The following EPS8 variants were observed in gnomAD, a reference collection of about 807,000 sequenced individuals.
EPS8 encodes epidermal growth factor receptor kinase substrate 8.
In EPS8, 42 loss-of-function variants were observed where a neutral mutation model predicts 103.8. The ratio of observed to expected loss-of-function variants is 0.40; its 90% CI spans 0.32 to 0.52. The LOEUF (loss-of-function observed/expected upper bound fraction) is 0.52. EPS8 is among the 20% of genes least tolerant of loss of function. The pLI is 0.40. For missense variants in EPS8, 969 were observed against 1,005.1 expected, an observed-to-expected ratio of 0.96 and a Z score of 0.49; for synonymous variants, 344 against 344.6, an observed-to-expected ratio of 1.00 and a Z score of 0.02.
intron 14 of EPS8, among the ~76,000 whole-genome samples, chr12:15,648,991 CG>C (rs758682884): frequency 1.1e-4 from 17 of 152,228 alleles, no homozygotes; most frequent in Admixed American, 6.5e-4. Context: ...GGGATGATTA[CG>C]TTTTTTTGCT....
intron 1 of EPS8, among the ~76,000 whole-genome samples, chr12:15,723,024 A>AC (rs1946614831): frequency 6.6e-6 from 1 of 152,080 alleles, no homozygotes; most frequent in Non-Finnish European, 1.5e-5. Flanking sequence ...AAACAAACAA[A>AC]AAAAAAACAT....
At chr12:15,756,048 AT>A (rs1419121206) in intron 1 of EPS8, among the ~76,000 whole-genome samples, 1 of 152,110 alleles carries the variant, frequency 6.6e-6, no homozygotes, top group African/African-American at 2.4e-5. Context: ...ATATAACACC[AT>A]TTTACTTGGC....
At position 15,735,866 on chromosome 12, in the gene EPS8, T is replaced by C. The variant is rs910258046; in HGVS notation, c.-21-52894A>G. ...CTTATATAGAAAAAAATGCCAATAA[T>C]AGGACAAAGACAAAGAGTTTGTGTT... On this transcript the variant is annotated intron_variant, in intron 1 of 20. Transcript: ENST00000281172. The surrounding 1 kb of genome is among the most constrained non-coding windows in gnomAD (Gnocchi z 4.4). Among the ~76,000 whole-genome samples the C allele has an allele frequency of 6.6e-6, 1 of 152,108 alleles. No individual in the cohort carries two copies. Among genetic ancestry groups the C allele is most frequent in the African/African-American group, 2.4e-5 (1 of 41,374 alleles).
intron 16 of EPS8, 28 bp downstream of exon 16, chr12:15,641,694 G>T: frequency 9.1e-7 from 1 of 1,098,934 alleles, no homozygotes; most frequent in Non-Finnish European, 1.3e-6. Context: ...ACTTTATTAA[G>T]AGTATAAAAA....
intron 18 of EPS8, 52 bp downstream of exon 18, chr12:15,631,390 A>G (rs1945042096): frequency 9.9e-6 from 16 of 1,609,354 alleles, no homozygotes; most frequent in African/African-American, 1.3e-5. Flanking sequence ...TATTTTACTT[A>G]GTAGTGCTTT....
rs201950807 is a variant in EPS8 at position 15,732,851 on chromosome 12, CT to C, written c.-21-49880del. On this transcript the variant is annotated intron_variant, in intron 1 of 20. Transcript: ENST00000281172. ...GACATGTTGTTAATCATTGTTAAGG[CT>C]TTGAATACAGCCACCTCGGTCATTA... is the stretch of plus-strand genomic sequence containing the variant. The C allele has an allele frequency of 4.1e-3, 2,338 of 570,124 alleles. 42 individuals carry two copies. The highest frequency in any genetic ancestry group is 0.038 in the African/African-American group (1,848 of 49,184). 35.3% of individuals were successfully genotyped at this position (570,124 alleles called of 1,614,324 possible). A position where few individuals can be genotyped will look rare whatever the true frequency, so the allele number is the denominator to read the frequency against.
chr12:15,688,239 A>G lies in EPS8; in HGVS notation c.-21-5267T>C, dbSNP rs1241192748. Among the ~76,000 whole-genome samples, 1 of 152,154 alleles carries G rather than the reference A, an allele frequency of 6.6e-6. No homozygotes were observed. The highest frequency in any genetic ancestry group is 1.9e-4 in the East Asian group (1 of 5,186). On this transcript the variant is annotated intron_variant, in intron 1 of 20. Coordinates refer to ENST00000281172, the MANE Select transcript of EPS8 (RefSeq NM_004447.6). This position sits in a 1 kb window ranked among gnomAD's most constrained non-coding sequence, Gnocchi z 5.1. ...TATCCTTAAAACAACATTATCAGCT[A>G]GTTATTGGCTCTATTTTATGGGTGA...
rs192894193 is a variant in EPS8, at chr12:15,627,192, G to T, written c.2045-2785C>A. Among the ~76,000 whole-genome samples the T allele has an allele frequency of 6.2e-3, 944 of 152,156 alleles. 10 individuals carry two copies. The highest frequency in any genetic ancestry group is 0.015 in the South Asian group (72 of 4,802). ...AACTAATTTTTGTATTTTTAGTAGAGATGGGGTTTCACCCTGTTGGCCAGG... is the reference window on the plus strand; with the variant it reads ...AACTAATTTTTGTATTTTTAGTAGATATGGGGTTTCACCCTGTTGGCCAGG... On this transcript the variant is annotated intron_variant, in intron 18 of 20. Coordinates refer to ENST00000281172, the MANE Select transcript of EPS8 (RefSeq NM_004447.6).
At chr12:15,659,324 A>C (rs1196583881) in intron 10 of EPS8, among the ~76,000 whole-genome samples, 1 of 152,146 alleles carries the variant, frequency 6.6e-6, no homozygotes, top group African/African-American at 2.4e-5. Flanking sequence ...AGAGGCTTAA[A>C]GACTGCTTCG....
In EPS8 at chr12:15,771,163, C is replaced by T. The variant is rs547128290; in HGVS notation, c.-22+17998G>A. On this transcript the variant is annotated intron_variant, in intron 1 of 20. Coordinates refer to ENST00000281172, the MANE Select transcript of EPS8 (RefSeq NM_004447.6). This position sits in a 1 kb window ranked among gnomAD's most constrained non-coding sequence, Gnocchi z 4.6. ...TAAAGTAGACCTTAACTGATGGATT[C>T]GATTTGTATATAGAGATAAATTAAA... is the stretch of plus-strand genomic sequence containing the variant. 1.2e-4 allele frequency among the ~76,000 whole-genome samples: 18 copies of T among 152,164 alleles called. No individual in the cohort carries two copies. In the East Asian group the frequency reaches 2.3e-3, roughly 20 times the overall value.
At chr12:15,632,197 T>G (rs1208064673) in intron 17 of EPS8, among the ~76,000 whole-genome samples, 9 of 152,194 alleles carry the variant, frequency 5.9e-5, no homozygotes, top group Non-Finnish European at 8.8e-5. Flanking sequence ...TTATTAAAAT[T>G]AGAAATTTCC....
chr12:15,699,387 T>C (rs963227407), intron 1 of EPS8, among the ~76,000 whole-genome samples: 1 of 152,212 alleles, frequency 6.6e-6, no homozygotes, highest in Non-Finnish European at 1.5e-5. Context: ...TTTACTCACC[T>C]GTAAAATGAG....
intron 3 of EPS8, among the ~76,000 whole-genome samples, chr12:15,679,419 A>G (rs1190484565): frequency 6.6e-6 from 1 of 152,214 alleles, no homozygotes; most frequent in Non-Finnish European, 1.5e-5. Flanking sequence ...TTAATTCATT[A>G]CACTCATTCT....
At chr12:15,649,804 T>C (rs1945380716) in intron 14 of EPS8, among the ~76,000 whole-genome samples, 2 of 152,208 alleles carry the variant, frequency 1.3e-5, no homozygotes, top group Admixed American at 6.5e-5. Flanking sequence ...AGTCACAGGA[T>C]ATAATACACC....
intron 12 of EPS8, among the ~76,000 whole-genome samples, chr12:15,655,416 T>C (rs574332721): frequency 6.6e-6 from 1 of 152,384 alleles, no homozygotes; most frequent in East Asian, 1.9e-4. Context: ...CTGTAATTTA[T>C]GGCTTTTCAG....
At chr12:15,723,006 AAAAAAAAAAACAAAC>A in intron 1 of EPS8, among the ~76,000 whole-genome samples, 1 of 146,378 alleles carries the variant, frequency 6.8e-6, no homozygotes, top group South Asian at 2.2e-4. Context: ...CACTTGTTTG[AAAAAAAAAAACAAAC>A]AAAAAAAAAA....
rs532178678 is a variant in EPS8 at position 15,776,818 on chromosome 12, C to T, written c.-22+12343G>A. ...CTATTTTTATATCAGATTCTACCAC[C>T]ACTTGTTTTCCCAATCATTTTATCA... On this transcript the variant is annotated intron_variant, in intron 1 of 20. Coordinates refer to ENST00000281172, the MANE Select transcript of EPS8 (RefSeq NM_004447.6). The surrounding 1 kb of genome is among the most constrained non-coding windows in gnomAD (Gnocchi z 4.2). Among the ~76,000 whole-genome samples the T allele has an allele frequency of 2.0e-5, 3 of 152,282 alleles. No individual in the cohort carries two copies. The highest frequency in any genetic ancestry group is 2.0e-4 in the Admixed American group (3 of 15,298).
chr12:15,672,817 C>T (rs911905185), intron 3 of EPS8, among the ~76,000 whole-genome samples: 1 of 152,170 alleles, frequency 6.6e-6, no homozygotes, highest in Admixed American at 6.6e-5. Context: ...ACACAACTGT[C>T]CACGATAGAT....
intron 3 of EPS8, among the ~76,000 whole-genome samples, chr12:15,676,842 G>A (rs1945917494): frequency 6.6e-6 from 1 of 151,970 alleles, no homozygotes; most frequent in Admixed American, 6.6e-5. Flanking sequence ...TTTCTTGTAT[G>A]GTAATTTAAA....
Sources: allele counts gnomAD v4.1 joint callset (sites outside exome capture counted in the v4.1 genomes callset), GRCh38; gene constraint gnomAD v4.1.1; non-coding constraint Gnocchi (gnomAD v3.1); transcripts MANE v1.5; gene names NCBI Gene and HGNC (gene_info 2026-07-23, HGNC 2026-07-21).